Variants in REV3L observed in about 807,000 individuals in gnomAD.
REV3L encodes the protein REV3 like, DNA directed polymerase zeta catalytic subunit, also known as DNA polymerase zeta catalytic subunit.
REV3L carries 69 observed loss-of-function variants against 299.4 expected under a neutral mutation model. The observed-to-expected ratio is 0.23, with a 90% CI of 0.19 to 0.28. REV3L has a LOEUF of 0.28. Ranked by LOEUF, REV3L falls within the 10% of genes least tolerant of loss-of-function variation. The pLI is 1.00. For synonymous variants in REV3L, 1,238 were observed against 1,271.4 expected, an observed-to-expected ratio of 0.97 and a Z score of 0.56; for missense variants, 3,128 against 3,693.8, an observed-to-expected ratio of 0.85 and a Z score of 3.97.
At chr6:111,453,912 G>A (rs895210727) in intron 1 of REV3L, among the ~76,000 whole-genome samples, 1 of 152,130 alleles carries the variant, frequency 6.6e-6, no homozygotes, top group Admixed American at 6.6e-5. Flanking sequence ...CTTGAAGCTG[G>A]GAAGCAGAGG....
intron 27 of REV3L, among the ~76,000 whole-genome samples, chr6:111,314,309 A>AC (rs1773289859): frequency 1.3e-5 from 2 of 152,172 alleles, no homozygotes; most frequent in Non-Finnish European, 2.9e-5. Context: ...CATTCTTCCT[A>AC]TTAATAGTGG....
intron 31 of REV3L, among the ~76,000 whole-genome samples, chr6:111,303,976 T>TC (rs1347167139): frequency 6.6e-6 from 1 of 152,114 alleles, no homozygotes; most frequent in African/African-American, 2.4e-5. Context: ...TGCCTTGGCC[T>TC]CCCAAAGTGT....
chr6:111,310,082 T>A lies in REV3L; in HGVS notation c.8813A>T (p.Asp2938Val). 6.4e-7 allele frequency: 1 copy of A among 1,553,598 alleles called. No individual in the cohort carries two copies. Among genetic ancestry groups the A allele is most frequent in the Non-Finnish European group, 8.7e-7 (1 of 1,149,334 alleles). The change falls in exon 30 of 32, where the codon GAC becomes GTC. Residue 2938 changes from aspartate (D) to valine (V), a missense_variant. Around this residue, in one of 9 missense-constraint regions of REV3L, gnomAD observed 294 missense variants for 377.0 expected, o/e 0.78. Coordinates refer to ENST00000368802, the MANE Select transcript of REV3L (RefSeq NM_001372078.1). The part of the protein sequence containing the change: ...LELTRKMLTY[D>V]RRSEPQVGER... ...CCCAACCTGAGGCTCAGAGCGCCGGTCATAAGTCAGCATTTTCCTATTCGA... is the reference window on the plus strand; with the variant it reads ...CCCAACCTGAGGCTCAGAGCGCCGGACATAAGTCAGCATTTTCCTATTCGA...
intron 3 of REV3L, among the ~76,000 whole-genome samples, chr6:111,410,126 G>A (rs1218483231): frequency 6.6e-6 from 1 of 152,150 alleles, no homozygotes; most frequent in Non-Finnish European, 1.5e-5. Context: ...GATCACTGGA[G>A]CCCAGGAGTT....
intron 1 of REV3L, among the ~76,000 whole-genome samples, chr6:111,426,357 T>G (rs1031067022): frequency 6.6e-6 from 1 of 152,220 alleles, no homozygotes; most frequent in Non-Finnish European, 1.5e-5. Context: ...TCTTACTTTC[T>G]CCTTATAAAC....
At chr6:111,307,926 C>A (rs1298480647) in intron 30 of REV3L, 1 of 282,342 alleles carries the variant, frequency 3.5e-6, no homozygotes, top group East Asian at 1.0e-4. Context: ...CTAATGCTAT[C>A]CCTCCCCCAG....
intron 25 of REV3L, among the ~76,000 whole-genome samples, chr6:111,327,757 G>A (rs1180154695): frequency 2.0e-5 from 3 of 151,956 alleles, no homozygotes; most frequent in Non-Finnish European, 4.4e-5. Flanking sequence ...CCTTTACAGT[G>A]CAACTATAAA....
intron 1 of REV3L, among the ~76,000 whole-genome samples, chr6:111,424,610 G>A (rs1252657642): frequency 6.6e-6 from 1 of 152,186 alleles, no homozygotes; most frequent in Non-Finnish European, 1.5e-5. Context: ...CATAGCAGCT[G>A]TAAAAACCAG....
chr6:111,473,276 G>A (rs1184556288), intron 1 of REV3L, among the ~76,000 whole-genome samples: 2 of 151,330 alleles, frequency 1.3e-5, no homozygotes, highest in African/African-American at 4.9e-5. Context: ...GCCCAGACTG[G>A]TCTCAAAATC....
chr6:111,450,042 G>T (rs367822566), intron 1 of REV3L, among the ~76,000 whole-genome samples: 1 of 152,070 alleles, frequency 6.6e-6, no homozygotes, highest in East Asian at 1.9e-4. Context: ...TTCATCTCAT[G>T]ACGGATGAAA....
At position 111,373,104 on chromosome 6, in the gene REV3L, G is replaced by A. The variant is rs762237656; in HGVS notation, c.5251C>T (p.Leu1751=). Residue 1751 remains leucine, a synonymous_variant, in exon 13 of 32, where the codon CTA becomes TTA. Transcript: ENST00000368802. ...HNQWKNSFHP[L]TTRSNSIMDS... ...ATTATTGAGTTAGACCGAGTTGTTA[G>A]AGGATGAAAGCTATTTTTCCACTGG... The A allele has an allele frequency of 8.7e-6, 14 of 1,614,120 alleles. No homozygotes were observed. The highest frequency in any genetic ancestry group is 3.3e-5 in the South Asian group (3 of 91,076).
chr6:111,481,375 CA>C (rs1455253419), intron 1 of REV3L, among the ~76,000 whole-genome samples: 1 of 152,172 alleles, frequency 6.6e-6, no homozygotes, highest in Non-Finnish European at 1.5e-5. Flanking sequence ...TCCCAGCCTC[CA>C]AAGTTTCAAG....
At chr6:111,410,116 G>C (rs935637849) in intron 3 of REV3L, among the ~76,000 whole-genome samples, 1 of 152,180 alleles carries the variant, frequency 6.6e-6, no homozygotes, top group Admixed American at 6.5e-5. Flanking sequence ...AACGTGGGAA[G>C]ATCACTGGAG....
chr6:111,314,433 A>T, intron 27 of REV3L, among the ~76,000 whole-genome samples: 1 of 152,196 alleles, frequency 6.6e-6, no homozygotes, highest in Non-Finnish European at 1.5e-5. Flanking sequence ...TCACACCTAG[A>T]ACCCAACCCT....
At chr6:111,329,475 C>G (rs1775170388) in intron 25 of REV3L, 57 bp downstream of exon 25, 1 of 1,513,896 alleles carries the variant, frequency 6.6e-7, no homozygotes. Flanking sequence ...GTGAGTGCCA[C>G]CGTGCCTCAC....
intron 7 of REV3L, 84 bp downstream of exon 7, chr6:111,389,022 A>C (rs1023474039): frequency 5.7e-5 from 56 of 978,012 alleles, no homozygotes; most frequent in Non-Finnish European, 6.3e-6. Context: ...GTAAAATCTA[A>C]TGTCAAAGGA....
Position 111,349,295 on chromosome 6 carries a change from A to G in REV3L, c.7342T>C (p.Tyr2448His), listed in dbSNP as rs1777347258. ...ATCTCACTCATTGTATATGATCCAT[A>G]CTCATCTCTTTCAGCTGCAAATCTG... ...ENRFAAERDEYGSYTMSEINI... is the reference protein window; with the variant it reads ...ENRFAAERDEHGSYTMSEINI... The change falls in exon 20 of 32, where the codon TAT becomes CAT. Residue 2448 changes from tyrosine (Y) to histidine (H), a missense_variant. Transcript: ENST00000368802. The G allele has an allele frequency of 6.2e-7, 1 of 1,605,126 alleles. No individual in the cohort carries two copies. Among genetic ancestry groups the G allele is most frequent in the Non-Finnish European group, 8.5e-7 (1 of 1,174,370 alleles).
intron 20 of REV3L, among the ~76,000 whole-genome samples, chr6:111,348,143 C>T (rs935490172): frequency 1.3e-5 from 2 of 152,070 alleles, no homozygotes; most frequent in Non-Finnish European, 2.9e-5. Context: ...GACAAGGTCT[C>T]GCTATGTTAC....
At chr6:111,384,280 T>A (rs749289467) in intron 9 of REV3L, among the ~76,000 whole-genome samples, 1 of 152,080 alleles carries the variant, frequency 6.6e-6, no homozygotes, top group East Asian at 1.9e-4. Context: ...TATACAAAGC[T>A]TCTGCACAGC....
Sources: allele counts gnomAD v4.1 joint callset (sites outside exome capture counted in the v4.1 genomes callset), GRCh38; gene constraint gnomAD v4.1.1; regional missense constraint gnomAD v4.1.1; transcripts MANE v1.5; gene names NCBI Gene and HGNC (gene_info 2026-07-23, HGNC 2026-07-21).